HIVEP1: variants seen among roughly 807,000 people sequenced by gnomAD.
The protein encoded by HIVEP1 is zinc finger protein 40.
In HIVEP1, 36 loss-of-function variants were observed where a neutral mutation model predicts 180.0. That is an observed-to-expected ratio of 0.20 (90% CI 0.15 to 0.26). The LOEUF (loss-of-function observed/expected upper bound fraction) is 0.26. Among genes scored for constraint, HIVEP1 ranks in the 10% least tolerant of loss-of-function variants. The pLI is 1.00. For synonymous variants in HIVEP1, 1,239 were observed against 1,239.0 expected (o/e 1.00, Z 0.00); for missense variants, 3,143 against 3,268.7 (o/e 0.96, Z 0.94).
At chr6:12,134,362 C>A (rs923473203) in intron 6 of HIVEP1, among the ~76,000 whole-genome samples, 1 of 152,096 alleles carries the variant, frequency 6.6e-6, no homozygotes, top group Non-Finnish European at 1.5e-5. Context: ...TAAGCCTGAC[C>A]TCCTTAAGTA....
intron 7 of HIVEP1, among the ~76,000 whole-genome samples, chr6:12,147,373 G>A (rs1184198310): frequency 6.6e-6 from 1 of 152,142 alleles, no homozygotes; most frequent in Non-Finnish European, 1.5e-5. Flanking sequence ...GATTACAAAA[G>A]TCTGAACCGA....
rs1334641986 is a variant in HIVEP1 at position 12,055,552 on chromosome 6, A to C, written c.41-33632A>C. Among the ~76,000 whole-genome samples the C allele has an allele frequency of 2.0e-5, 3 of 152,198 alleles. No homozygotes were observed. In the East Asian group the frequency reaches 5.8e-4, roughly 29 times the overall value. On this transcript the variant is annotated intron_variant, in intron 2 of 8. Transcript: ENST00000379388. The stretch of plus-strand genomic sequence containing the variant: ...GAAAACCACAATGCCTCATCTGACC[A>C]GTTGGCACAAACCGGAGGATACAAT...
At chr6:12,009,120 T>TGGCGGTGGCGGC (rs1398800829), upstream of HIVEP1, among the ~76,000 whole-genome samples, 2 of 146,058 alleles carry the variant, frequency 1.4e-5, no homozygotes, top group South Asian at 4.2e-4. Context: ...CGCGTGGCGG[T>TGGCGGTGGCGGC]GGCGGCGGCG....
intron 2 of HIVEP1, among the ~76,000 whole-genome samples, chr6:12,026,557 T>C (rs1768599273): frequency 2.0e-5 from 3 of 152,184 alleles, no homozygotes. Flanking sequence ...GGAAACTTAT[T>C]AGATTTAATG....
rs1757753598 is a variant in HIVEP1 at position 12,122,677 on chromosome 6, G to C, written c.2882G>C (p.Cys961Ser). The C allele has an allele frequency of 6.2e-7, 1 of 1,614,082 alleles. No homozygotes were observed. Among genetic ancestry groups the C allele is most frequent in the Non-Finnish European group, 8.5e-7 (1 of 1,180,038 alleles). Residue 961 changes from cysteine (C) to serine (S), a missense_variant, in exon 4 of 9, where the codon TGT (cysteine) becomes TCT (serine). By Grantham distance (112) the Cys-to-Ser change is moderately radical. Around this residue, in one of 12 missense-constraint regions of HIVEP1, gnomAD observed 204 missense variants for 243.7 expected, o/e 0.84. Transcript: ENST00000379388. ...SHQGRGTMFE[C>S]ETCRNRYRKL... ...CAAGGGCGAGGGACAATGTTTGAGT[G>C]TGAAACTTGTAGAAACAGGTATAGG...
At chr6:12,142,370 G>T (rs1452873477) in intron 7 of HIVEP1, among the ~76,000 whole-genome samples, 1 of 152,168 alleles carries the variant, frequency 6.6e-6, no homozygotes, top group Non-Finnish European at 1.5e-5. Context: ...GAATCTCTGG[G>T]ACATATTTAA....
At chr6:12,070,292 A>G (rs942536695) in intron 2 of HIVEP1, among the ~76,000 whole-genome samples, 1 of 152,252 alleles carries the variant, frequency 6.6e-6, no homozygotes, top group African/African-American at 2.4e-5. Context: ...CTGTATTTGT[A>G]TATGACTGGC....
chr6:12,206,306 T>C, the HIVEP1 span, among the ~76,000 whole-genome samples: 1 of 151,982 alleles, frequency 6.6e-6, no homozygotes, highest in African/African-American at 2.4e-5. Flanking sequence ...GCTAATTTTT[T>C]TGTATTTTAG....
chr6:12,100,178 T>C (rs1268332815), intron 3 of HIVEP1, among the ~76,000 whole-genome samples: 1 of 152,066 alleles, frequency 6.6e-6, no homozygotes, highest in Non-Finnish European at 1.5e-5. Context: ...GAGTTCACAT[T>C]TCCCTGTTCT....
At chr6:12,042,240 T>C (rs6933521) in intron 2 of HIVEP1, among the ~76,000 whole-genome samples, 18,562 of 147,602 alleles carry the variant, frequency 0.13, 1,485 homozygotes, top group Non-Finnish European at 0.16. Context: ...CCACCGCGCC[T>C]GGCTAATTTT....
rs574006652 is a variant in HIVEP1, at chr6:12,163,819, T to C, written c.7515T>C (p.Asn2505=). 2.7e-4 allele frequency: 441 copies of C among 1,614,168 alleles called. 5 individuals carry two copies. The Middle Eastern group carries it at 5.9e-3, about 22-fold the overall frequency. ...TVNIVGLANT[N]MAPQVHPPGL... is the part of the protein sequence containing the mutation. ...ATATTGTAGGCCTAGCCAATACAAATATGGCCCCACAAGTCCATCCACCAG... is the reference window on the plus strand; with the variant it reads ...ATATTGTAGGCCTAGCCAATACAAACATGGCCCCACAAGTCCATCCACCAG... Residue 2505 remains asparagine, a synonymous_variant, in exon 9 of 9, where the codon AAT becomes AAC. Transcript: ENST00000379388.
chr6:12,129,999 A>G, intron 5 of HIVEP1, 107 bp downstream of exon 5: 1 of 718,264 alleles, frequency 1.4e-6, no homozygotes, highest in Non-Finnish European at 2.4e-6. Flanking sequence ...TCGATGTTGC[A>G]AGGTTTCTCA....
At chr6:12,040,020 G>A (rs1488505152) in intron 2 of HIVEP1, among the ~76,000 whole-genome samples, 1 of 152,166 alleles carries the variant, frequency 6.6e-6, no homozygotes, top group Non-Finnish European at 1.5e-5. Context: ...CTGGGCGGTC[G>A]AGGGGAAATG....
At chr6:12,160,429 A>G (rs1450718494) in intron 7 of HIVEP1, among the ~76,000 whole-genome samples, 1 of 152,230 alleles carries the variant, frequency 6.6e-6, no homozygotes, top group African/African-American at 2.4e-5. Flanking sequence ...CTTACACATT[A>G]GGTGAATATG....
At chr6:12,079,978 A>ATCTATCTATCTG (rs747526886) in intron 2 of HIVEP1, among the ~76,000 whole-genome samples, 1 of 150,072 alleles carries the variant, frequency 6.7e-6, no homozygotes, top group East Asian at 2.0e-4. Flanking sequence ...CTATCTATCT[A>ATCTATCTATCTG]TATCTGGTCT....
chr6:12,015,474 C>T, intron 1 of HIVEP1, 52 bp from the exon 2 acceptor site: 2 of 632,076 alleles, frequency 3.2e-6, no homozygotes, highest in South Asian at 2.0e-5. Context: ...TTTAAAGTAT[C>T]TTTCTCCTCT....
chr6:12,075,998 A>T (rs1020427029), intron 2 of HIVEP1, among the ~76,000 whole-genome samples: 1 of 152,152 alleles, frequency 6.6e-6, no homozygotes, highest in African/African-American at 2.4e-5. Flanking sequence ...CTGTTTTATA[A>T]GTTGATGTAT....
intron 2 of HIVEP1, among the ~76,000 whole-genome samples, chr6:12,055,225 A>G (rs1260639917): frequency 2.6e-5 from 4 of 152,238 alleles, no homozygotes; most frequent in African/African-American, 9.6e-5. Context: ...CTGTAATCCC[A>G]TCACTTTGGG....
At chr6:12,206,716 AG>A in the HIVEP1 span, among the ~76,000 whole-genome samples, 2 of 152,212 alleles carry the variant, frequency 1.3e-5, no homozygotes, top group South Asian at 2.1e-4. Context: ...CTAGGGAACC[AG>A]AATGCTGTCT....
Sources: gnomAD v4.1 joint callset for allele counts (sites outside exome capture counted in the v4.1 genomes callset) on GRCh38, gnomAD v4.1.1 for gene constraint, gnomAD v4.1.1 regional missense constraint, MANE v1.5 for transcripts, NCBI Gene and HGNC (gene_info 2026-07-23, HGNC 2026-07-21) for gene names.